Variants in SLC7A11 observed in about 807,000 individuals in gnomAD.
SLC7A11 encodes solute carrier family 7 member 11.
Under a neutral mutation model 54.5 loss-of-function variants are expected in SLC7A11, and 35 were observed. The ratio of observed to expected loss-of-function variants is 0.64; its 90% confidence interval spans 0.49 to 0.85. SLC7A11 has a LOEUF of 0.85. SLC7A11 is among the 40% of genes least tolerant of loss of function. The probability of loss-of-function intolerance (pLI) is 0.00; values close to 1 mark genes in which losing one functional copy is unlikely to be tolerated. For missense variants in SLC7A11, 583 were observed against 618.1 expected (o/e 0.94, Z 0.60); for synonymous variants, 230 against 225.2 (o/e 1.02, Z -0.19).
At chr4:138,212,623 A>G (rs1476152861) in intron 6 of SLC7A11, among the ~76,000 whole-genome samples, 3 of 151,858 alleles carry the variant, frequency 2.0e-5, no homozygotes, top group African/African-American at 7.2e-5. Flanking sequence ...TAAGAAGAGA[A>G]GGAGACAATC....
chr4:138,192,106 T>C (rs890675035), intron 6 of SLC7A11, among the ~76,000 whole-genome samples: 1 of 152,198 alleles, frequency 6.6e-6, no homozygotes, highest in African/African-American at 2.4e-5. Context: ...ACGATTTTTA[T>C]AATAGTGTTT....
chr4:138,228,219 G>A lies in SLC7A11; in HGVS notation c.520+4048C>T, dbSNP rs140339298. Among the ~76,000 whole-genome samples the A allele has an allele frequency of 4.3e-3, 654 of 151,884 alleles. 8 individuals carry two copies. The highest frequency in any genetic ancestry group is 0.014 in the African/African-American group (598 of 41,404). On this transcript the variant is annotated intron_variant, in intron 3 of 11. Transcript: ENST00000280612. ...TCTTAACTCATCTTTATTTTATATA[G>A]ATAAAATAAACTAGCAAGGAAATTG...
At chr4:138,214,316 T>C (rs1442721950) in intron 6 of SLC7A11, among the ~76,000 whole-genome samples, 1 of 151,866 alleles carries the variant, frequency 6.6e-6, no homozygotes, top group African/African-American at 2.4e-5. Context: ...AAATATAACT[T>C]TATTATTTCC....
intron 11 of SLC7A11, among the ~76,000 whole-genome samples, chr4:138,173,634 CAAAAAAA>C (rs201066768): frequency 7.7e-6 from 1 of 130,298 alleles, no homozygotes; most frequent in African/African-American, 2.8e-5. Flanking sequence ...AACTCCATCT[CAAAAAAA>C]AAAAAAAGTA....
intron 6 of SLC7A11, among the ~76,000 whole-genome samples, chr4:138,205,307 G>A (rs571982480): frequency 6.6e-6 from 1 of 152,120 alleles, no homozygotes; most frequent in African/African-American, 2.4e-5. Context: ...TCACTGGAAA[G>A]TCTCAACTTC....
chr4:138,172,538 C>T (rs556435074), intron 11 of SLC7A11, among the ~76,000 whole-genome samples: 62 of 152,216 alleles, frequency 4.1e-4, no homozygotes, highest in African/African-American at 1.3e-3. Context: ...TCTCAAAGTG[C>T]GGTCCCTGGA....
At chr4:138,211,926 A>C (rs1376143315) in intron 6 of SLC7A11, among the ~76,000 whole-genome samples, 1 of 151,902 alleles carries the variant, frequency 6.6e-6, no homozygotes, top group East Asian at 1.9e-4. Flanking sequence ...TGAAAACAAA[A>C]ATGCAGTTAG....
rs1268437132 is a variant in SLC7A11 at position 138,167,807 on chromosome 4, ATT to A, written c.*4147_*4148del. 1 of 152,198 alleles carries A rather than the reference ATT, an allele frequency of 6.6e-6. No individual in the cohort carries two copies. Among genetic ancestry groups the A allele is most frequent in the African/African-American group, 2.4e-5 (1 of 41,458 alleles). 9.4% of individuals were successfully genotyped at this position (152,198 alleles called of 1,614,324 possible). A position where few individuals can be genotyped will look rare whatever the true frequency, so the allele number is the denominator to read the frequency against. On this transcript the variant is annotated 3_prime_UTR_variant, in exon 12 of 12. Coordinates refer to ENST00000280612, the MANE Select transcript of SLC7A11 (RefSeq NM_014331.4). ...GGAGGGTAAAGTGAAGCAAGAATAT[ATT>A]CAAGTAAAATAAAATGTCTTTCATG...
At position 138,214,593 on chromosome 4, in the gene SLC7A11, G is replaced by A. The variant is rs776872157; in HGVS notation, c.783C>T (p.Asn261=). ...YLNFVTEEVE[N]PEKTIPLAIC... is the part of the protein sequence containing the mutation. ...TACATCTGGCTACTTACTTTTCAGG[G>A]TTTTCTACTTCTTCAGTAACAAAGT... is the stretch of plus-strand genomic sequence containing the variant. Residue 261 remains asparagine, a synonymous_variant, in exon 6 of 12, where the codon AAC becomes AAT. Transcript: ENST00000280612. 1.4e-6 allele frequency: 2 copies of A among 1,445,304 alleles called. No homozygotes were observed. Among genetic ancestry groups the A allele is most frequent in the South Asian group, 2.7e-5 (2 of 73,496 alleles). The allele number at this position is 1,445,304 out of a possible 1,614,324, so 89.5% of individuals were successfully genotyped here. A position where few individuals can be genotyped will look rare whatever the true frequency, so the allele number is the denominator to read the frequency against.
intron 3 of SLC7A11, among the ~76,000 whole-genome samples, chr4:138,227,744 C>T (rs552963236): frequency 6.6e-6 from 1 of 152,146 alleles, no homozygotes; most frequent in Non-Finnish European, 1.5e-5. Flanking sequence ...CTTGGTGTAC[C>T]TAGTTCTTTT....
chr4:138,193,577 G>A (rs1737062524), intron 6 of SLC7A11, among the ~76,000 whole-genome samples: 1 of 152,052 alleles, frequency 6.6e-6, no homozygotes. Context: ...TGAGGCGGGT[G>A]GACCTGAGGT....
At chr4:138,172,906 C>T (rs1443013482) in intron 11 of SLC7A11, among the ~76,000 whole-genome samples, 3 of 152,096 alleles carry the variant, frequency 2.0e-5, no homozygotes, top group Admixed American at 2.0e-4. Flanking sequence ...TGCAATGGTG[C>T]GATCTCGGCT....
intron 4 of SLC7A11, among the ~76,000 whole-genome samples, chr4:138,219,687 T>G (rs1737761584): frequency 6.6e-6 from 1 of 152,180 alleles, no homozygotes; most frequent in African/African-American, 2.4e-5. Flanking sequence ...AATTATAATC[T>G]TTATGAATAT....
chr4:138,212,974 C>T (rs548872761), intron 6 of SLC7A11, among the ~76,000 whole-genome samples: 3 of 151,908 alleles, frequency 2.0e-5, no homozygotes, highest in South Asian at 2.1e-4. Flanking sequence ...ATTTATTTCC[C>T]GTAATAGAAA....
At chr4:138,238,232 T>A (rs910380390) in intron 1 of SLC7A11, among the ~76,000 whole-genome samples, 18 of 152,240 alleles carry the variant, frequency 1.2e-4, no homozygotes, top group Admixed American at 3.9e-4. Context: ...TTCTACCTCA[T>A]AAAGGAGTTG....
chr4:138,195,340 T>C (rs943386112), intron 6 of SLC7A11, among the ~76,000 whole-genome samples: 5 of 152,206 alleles, frequency 3.3e-5, no homozygotes, highest in Admixed American at 3.3e-4. Flanking sequence ...ACCATCTGAA[T>C]TTCAGGAGGA....
At position 138,169,177 on chromosome 4, in the gene SLC7A11, A is replaced by T. The variant is rs1560712687; in HGVS notation, c.*2779T>A. On this transcript the variant is annotated 3_prime_UTR_variant, in exon 12 of 12. Coordinates refer to ENST00000280612, the MANE Select transcript of SLC7A11 (RefSeq NM_014331.4). ...AGAACATGTAGTAAGTAGTATGTGC[A>T]TGTATGTGTGTGTGTGCATATCGTA... 1.3e-5 allele frequency: 2 copies of T among 152,112 alleles called. No individual in the cohort carries two copies. The allele number at this position is 152,112 out of a possible 1,614,324, so 9.4% of individuals were successfully genotyped here.
intron 6 of SLC7A11, among the ~76,000 whole-genome samples, chr4:138,188,145 C>A (rs565325081): frequency 2.6e-5 from 4 of 152,284 alleles, no homozygotes; most frequent in Admixed American, 2.0e-4. Context: ...CTCACTGCAA[C>A]TGCTGCCTCC....
intron 6 of SLC7A11, among the ~76,000 whole-genome samples, chr4:138,205,642 A>G (rs80058953): frequency 6.6e-6 from 1 of 152,068 alleles, no homozygotes; most frequent in Non-Finnish European, 1.5e-5. Flanking sequence ...TTCACCAAGT[A>G]TGACACAGAA....
Sources: allele counts gnomAD v4.1 joint callset (sites outside exome capture counted in the v4.1 genomes callset), GRCh38; gene constraint gnomAD v4.1.1; transcripts MANE v1.5; gene names NCBI Gene and HGNC (gene_info 2026-07-23, HGNC 2026-07-21).